The following TMBIM4 variants were observed in gnomAD, a reference collection of about 807,000 sequenced individuals.
TMBIM4 encodes the protein transmembrane BAX inhibitor motif containing 4.
In TMBIM4, 28 loss-of-function variants were observed where a neutral mutation model predicts 27.7. The ratio of observed to expected loss-of-function variants is 1.01; its 90% CI spans 0.75 to 1.38. The LOEUF (loss-of-function observed/expected upper bound fraction) is 1.38, where lower values mean the gene tolerates loss of function less well. Among genes scored for constraint, TMBIM4 ranks in the 40% most tolerant of loss-of-function variants. The pLI, the probability that TMBIM4 is intolerant of heterozygous loss-of-function variation, is 0.00. For synonymous variants in TMBIM4, 115 were observed against 113.1 expected, an observed-to-expected ratio of 1.02 and a Z score of -0.11; for missense variants, 265 against 277.5, an observed-to-expected ratio of 0.95 and a Z score of 0.32.
At chr12:66,148,014 G>A in intron 3 of TMBIM4, 73 bp from the exon 4 acceptor site, 1 of 1,379,636 alleles carries the variant, frequency 7.2e-7, no homozygotes, top group Non-Finnish European at 1.0e-6. Context: ...ATTTCTAGCA[G>A]CTTAATGTGA....
intron 5 of TMBIM4, among the ~76,000 whole-genome samples, chr12:66,144,523 A>G (rs1263608974): frequency 3.3e-5 from 5 of 152,126 alleles, no homozygotes; most frequent in Admixed American, 3.3e-4. Flanking sequence ...TGTCACCACA[A>G]GCTATCCCTT....
At chr12:66,144,159 T>A (rs2051714192) in intron 5 of TMBIM4, among the ~76,000 whole-genome samples, 1 of 152,038 alleles carries the variant, frequency 6.6e-6, no homozygotes, top group Non-Finnish European at 1.5e-5. Flanking sequence ...CTGTTAAGAC[T>A]GGAGAATAGA....
At chr12:66,151,134 T>C (rs1002361546) in intron 3 of TMBIM4, among the ~76,000 whole-genome samples, 1 of 151,768 alleles carries the variant, frequency 6.6e-6, no homozygotes, top group Non-Finnish European at 1.5e-5. Flanking sequence ...CATCAGCTTT[T>C]CATTTTAACA....
chr12:66,153,387 T>G lies in TMBIM4; in HGVS notation c.159A>C (p.Ser53=), dbSNP rs374527650. The part of the protein sequence containing the change: ...SLQVLLTTVT[S]TVFLYFESVR... ...CAGACTCAAAGTATAAAAAAACTGT[T>G]GAAGTCACTGTAGTTAAGAGAACCT... Residue 53 remains serine (S), a synonymous_variant, in exon 2 of 7, where the codon TCA becomes TCC. Transcript: ENST00000358230. 1.9e-6 allele frequency: 3 copies of G among 1,602,922 alleles called. No individual in the cohort carries two copies. Among genetic ancestry groups the G allele is most frequent in the Non-Finnish European group, 2.6e-6 (3 of 1,176,422 alleles).
At chr12:66,140,921 A>C (rs1449884532) in intron 5 of TMBIM4, among the ~76,000 whole-genome samples, 2 of 152,246 alleles carry the variant, frequency 1.3e-5, no homozygotes, top group African/African-American at 4.8e-5. Flanking sequence ...AATAAATATA[A>C]GAAAGATGGC....
At chr12:66,155,732 T>C (rs2051925122) in intron 1 of TMBIM4, among the ~76,000 whole-genome samples, 2 of 152,206 alleles carry the variant, frequency 1.3e-5, no homozygotes, top group African/African-American at 2.4e-5. Flanking sequence ...AAATTAGTGT[T>C]ATTTCTTACC....
chr12:66,153,405 G>A lies in TMBIM4; in HGVS notation c.141C>T (p.Leu47=). 1.2e-6 allele frequency: 2 copies of A among 1,601,274 alleles called. No individual in the cohort carries two copies. The highest frequency in any genetic ancestry group is 1.3e-5 in the African/African-American group (1 of 74,356). Residue 47 remains leucine (L), a synonymous_variant, in exon 2 of 7, where the codon CTC becomes CTT. Coordinates refer to ENST00000358230, the MANE Select transcript of TMBIM4 (RefSeq NM_016056.4). ...KVYSILSLQV[L]LTTVTSTVFL... ...AAACTGTTGAAGTCACTGTAGTTAA[G>A]AGAACCTGCAGAGAAAGAATGCTGT...
At chr12:66,139,628 C>T (rs2051634572) in intron 5 of TMBIM4, 1 of 455,940 alleles carries the variant, frequency 2.2e-6, no homozygotes, top group African/African-American at 2.0e-5. Flanking sequence ...GTCAGGGAAG[C>T]CAAGGTAGCT....
At chr12:66,157,782 AAC>A (rs1292812912) in intron 1 of TMBIM4, among the ~76,000 whole-genome samples, 3 of 152,246 alleles carry the variant, frequency 2.0e-5, no homozygotes, top group African/African-American at 7.2e-5. Flanking sequence ...AAAGTTTAGC[AAC>A]AGTGTTAGCT....
rs754616811 is a variant in TMBIM4, at chr12:66,153,359, G to A, written c.187C>T (p.Arg63Trp). 30 of 1,583,758 alleles carry A rather than the reference G, an allele frequency of 1.9e-5. No individual in the cohort carries two copies. In the East Asian group the frequency reaches 5.4e-4, roughly 29 times the overall value. The change falls in exon 2 of 7, where the codon CGG becomes TGG. Residue 63 changes from arginine to tryptophan, a missense_variant. Transcript: ENST00000358230. ...CCTTACCTCTCATGTACAAATGTCC[G>A]TACAGACTCAAAGTATAAAAAAACT... Reference protein sequence around the residue: ...STVFLYFESVRTFVHESPALI... With the variant: ...STVFLYFESVWTFVHESPALI...
At position 66,169,835 on chromosome 12, in the gene TMBIM4, C is replaced by T. The variant is rs890577173; in HGVS notation, c.97+20G>A. ...AGTGCAGACAAGCGGCTGGGAGGCACTGGAGAGGGGACAACGTACCCATTC... is the reference window on the plus strand; with the variant it reads ...AGTGCAGACAAGCGGCTGGGAGGCATTGGAGAGGGGACAACGTACCCATTC... On this transcript the variant is annotated intron_variant, in intron 1 of 6. Coordinates refer to ENST00000358230, the MANE Select transcript of TMBIM4 (RefSeq NM_016056.4). 2 of 1,504,714 alleles carry T rather than the reference C, an allele frequency of 1.3e-6. No individual in the cohort carries two copies. The highest frequency in any genetic ancestry group is 1.4e-5 in the African/African-American group (1 of 68,992). 93.2% of individuals were successfully genotyped at this position (1,504,714 alleles called of 1,614,324 possible). A position where few individuals can be genotyped will look rare whatever the true frequency, so the allele number is the denominator to read the frequency against.
chr12:66,148,750 A>G (rs2051792437), intron 3 of TMBIM4, among the ~76,000 whole-genome samples: 2 of 152,226 alleles, frequency 1.3e-5, no homozygotes, highest in Non-Finnish European at 2.9e-5. Flanking sequence ...ATCTTGTTTA[A>G]GCCATTGTTA....
intron 3 of TMBIM4, among the ~76,000 whole-genome samples, chr12:66,150,560 G>A (rs957061625): frequency 4.0e-5 from 6 of 151,640 alleles, no homozygotes; most frequent in South Asian, 4.1e-4. Context: ...CTACAAGCAC[G>A]TGCCATAACA....
chr12:66,147,551 A>G (rs1363562828), intron 4 of TMBIM4, among the ~76,000 whole-genome samples: 1 of 152,256 alleles, frequency 6.6e-6, no homozygotes, highest in Non-Finnish European at 1.5e-5. Flanking sequence ...AAAGGAGTTA[A>G]GCTCATACAT....
intron 1 of TMBIM4, chr12:66,169,189 G>C (rs1340831067): frequency 1.5e-6 from 1 of 680,932 alleles, no homozygotes; most frequent in Admixed American, 2.2e-5. Context: ...CCAAACTAGA[G>C]CAGGCAATGG....
rs2051589846 is a variant in TMBIM4, at chr12:66,137,168, T to C, written c.*792A>G. 1 of 152,352 alleles carries C rather than the reference T, an allele frequency of 6.6e-6. No homozygotes were observed. The highest frequency in any genetic ancestry group is 1.5e-5 in the Non-Finnish European group (1 of 68,034). 9.4% of individuals were successfully genotyped at this position (152,352 alleles called of 1,614,324 possible). On this transcript the variant is annotated 3_prime_UTR_variant, in exon 7 of 7. Transcript: ENST00000358230. The stretch of plus-strand genomic sequence containing the variant: ...TTTAATGTAATACTGAATAATTCTC[T>C]GTGGAATTTATCTTTTACATTTTTT...
chr12:66,152,200 T>C (rs1565785168), intron 3 of TMBIM4, 71 bp downstream of exon 3: 4 of 778,568 alleles, frequency 5.1e-6, no homozygotes, highest in Non-Finnish European at 7.8e-6. Context: ...TTGTTATATA[T>C]GTATTATATA....
At chr12:66,146,891 G>T (rs1455968597) in intron 4 of TMBIM4, among the ~76,000 whole-genome samples, 1 of 152,056 alleles carries the variant, frequency 6.6e-6, no homozygotes, top group African/African-American at 2.4e-5. Flanking sequence ...ATACGATTAG[G>T]TTGAAAAGAT....
At chr12:66,149,129 G>T (rs1173219037) in intron 3 of TMBIM4, among the ~76,000 whole-genome samples, 1 of 152,086 alleles carries the variant, frequency 6.6e-6, no homozygotes, top group Non-Finnish European at 1.5e-5. Context: ...AGCAAAAATG[G>T]TAGCAAAAGA....
Sources: allele counts gnomAD v4.1 joint callset (sites outside exome capture counted in the v4.1 genomes callset), GRCh38; gene constraint gnomAD v4.1.1; transcripts MANE v1.5; gene names NCBI Gene and HGNC (gene_info 2026-07-23, HGNC 2026-07-21).